DOK6: variants seen among roughly 807,000 people sequenced by gnomAD.
DOK6 encodes downstream of tyrosine kinase 6.
A neutral mutation model predicts 44.0 loss-of-function variants in DOK6; 22 were observed. The observed-to-expected ratio is 0.50, with a 90% confidence interval of 0.36 to 0.71. DOK6 has a LOEUF of 0.71. Among genes scored for constraint, DOK6 ranks in the 30% least tolerant of loss-of-function variants. DOK6 has a pLI of 0.00. For synonymous variants in DOK6, 166 were observed against 145.5 expected (o/e 1.14, Z -1.01); for missense variants, 340 against 416.4 (o/e 0.82, Z 1.60).
intron 1 of DOK6, among the ~76,000 whole-genome samples, chr18:69,491,553 G>A (rs117460514): frequency 0.012 from 1,888 of 152,248 alleles, 21 homozygotes; most frequent in Middle Eastern, 0.024. Context: ...ATGTTGTCTC[G>A]TCACATTTGT....
At chr18:69,779,931 TAACTC>T (rs1980208012) in intron 7 of DOK6, among the ~76,000 whole-genome samples, 1 of 152,070 alleles carries the variant, frequency 6.6e-6, no homozygotes, top group South Asian at 2.1e-4. Context: ...ATGAAAAAAA[TAACTC>T]AAATTCAATC....
intron 1 of DOK6, among the ~76,000 whole-genome samples, chr18:69,437,609 C>A (rs953012503): frequency 1.3e-5 from 2 of 152,154 alleles, no homozygotes; most frequent in Admixed American, 1.3e-4. Context: ...AGTGTGATGC[C>A]TCCAGCTTTG....
intron 1 of DOK6, among the ~76,000 whole-genome samples, chr18:69,474,677 T>C (rs1980212739): frequency 6.6e-6 from 1 of 152,234 alleles, no homozygotes; most frequent in African/African-American, 2.4e-5. Context: ...GCCAGTGCCT[T>C]CTTTGGCAAG....
intron 7 of DOK6, among the ~76,000 whole-genome samples, chr18:69,798,832 T>C (rs882113): frequency 0.12 from 18,981 of 151,892 alleles, 1,767 homozygotes; most frequent in African/African-American, 0.25. Context: ...CTTCATGATC[T>C]GTTCTTTAGC....
chr18:69,457,884 C>T (rs551920829), intron 1 of DOK6, among the ~76,000 whole-genome samples: 1 of 152,294 alleles, frequency 6.6e-6, no homozygotes, highest in Non-Finnish European at 1.5e-5. Context: ...TGGCTCACGC[C>T]TGTAATCTCA....
intron 1 of DOK6, among the ~76,000 whole-genome samples, chr18:69,524,187 T>A (rs17793051): frequency 0.16 from 24,745 of 151,952 alleles, 2,266 homozygotes; most frequent in Non-Finnish European, 0.2. Flanking sequence ...GCTCTGTCAC[T>A]GTTTTAGACA....
chr18:69,516,756 A>G (rs1266169477), intron 1 of DOK6, among the ~76,000 whole-genome samples: 1 of 151,550 alleles, frequency 6.6e-6, no homozygotes, highest in Non-Finnish European at 1.5e-5. Context: ...GCTCATTGCA[A>G]CCTCTGCCTC....
At chr18:69,507,183 G>T (rs572573367) in intron 1 of DOK6, among the ~76,000 whole-genome samples, 27 of 151,912 alleles carry the variant, frequency 1.8e-4, no homozygotes, top group Non-Finnish European at 3.5e-4. Context: ...GCGTGCCACC[G>T]TGGCTTGCTA....
chr18:69,592,152 A>G (rs1314441458), intron 2 of DOK6, among the ~76,000 whole-genome samples: 1 of 151,944 alleles, frequency 6.6e-6, no homozygotes, highest in African/African-American at 2.4e-5. Flanking sequence ...TATCTCTTAT[A>G]GAAATCACTA....
chr18:69,807,061 G>C (rs1013675664), intron 7 of DOK6, among the ~76,000 whole-genome samples: 1 of 151,828 alleles, frequency 6.6e-6, no homozygotes, highest in African/African-American at 2.4e-5. Context: ...AAATGTCAAA[G>C]CCTATAGAAA....
intron 3 of DOK6, among the ~76,000 whole-genome samples, chr18:69,621,365 A>C (rs959536387): frequency 1.3e-5 from 2 of 152,188 alleles, no homozygotes; most frequent in Non-Finnish European, 2.9e-5. Context: ...ATACCTTATT[A>C]TTTTAATTTC....
At chr18:69,568,767 T>G (rs1025098352) in intron 2 of DOK6, among the ~76,000 whole-genome samples, 1 of 152,048 alleles carries the variant, frequency 6.6e-6, no homozygotes, top group Non-Finnish European at 1.5e-5. Flanking sequence ...GTGGCAGCAT[T>G]ACATTCTCAT....
At chr18:69,475,597 G>A (rs1189937866) in intron 1 of DOK6, among the ~76,000 whole-genome samples, 4 of 152,120 alleles carry the variant, frequency 2.6e-5, no homozygotes, top group African/African-American at 7.2e-5. Flanking sequence ...ACCTTGAATT[G>A]TGTTCCTGGA....
chr18:69,547,917 T>TATATATA (rs1156260869), intron 1 of DOK6, among the ~76,000 whole-genome samples: 6 of 145,620 alleles, frequency 4.1e-5, no homozygotes, highest in African/African-American at 1.2e-4. Context: ...CCATTGTATC[T>TATATATA]ATATATAATA....
chr18:69,790,264 C>CG (rs1003030978), intron 7 of DOK6, among the ~76,000 whole-genome samples: 4 of 15,818 alleles, frequency 2.5e-4, no homozygotes, highest in South Asian at 2.8e-3. Flanking sequence ...TGGGGCCTGT[C>CG]GGGGGGTGGG....
intron 1 of DOK6, among the ~76,000 whole-genome samples, chr18:69,471,198 T>G (rs966700145): frequency 1.6e-5 from 2 of 128,070 alleles, no homozygotes; most frequent in Non-Finnish European, 3.1e-5. Context: ...TGCGGTGAGC[T>G]GAGATCGCGC....
intron 3 of DOK6, among the ~76,000 whole-genome samples, chr18:69,600,366 T>C (rs916326939): frequency 1.3e-5 from 2 of 152,218 alleles, no homozygotes; most frequent in Non-Finnish European, 2.9e-5. Context: ...TATCTTAGTA[T>C]GGCTAAACTG....
intron 4 of DOK6, among the ~76,000 whole-genome samples, chr18:69,685,660 C>T (rs1427793226): frequency 1.3e-5 from 2 of 152,284 alleles, no homozygotes; most frequent in East Asian, 3.9e-4. Flanking sequence ...CTCATATATA[C>T]ATTAAAGCTT....
intron 5 of DOK6, among the ~76,000 whole-genome samples, chr18:69,714,826 T>C (rs1986845736): frequency 6.6e-6 from 1 of 152,196 alleles, no homozygotes; most frequent in African/African-American, 2.4e-5. Flanking sequence ...TGTATTTATA[T>C]AAATTTAGGT....
Sources: allele counts gnomAD v4.1 joint callset (sites outside exome capture counted in the v4.1 genomes callset), GRCh38; gene constraint gnomAD v4.1.1; transcripts MANE v1.5; gene names NCBI Gene and HGNC (gene_info 2026-07-23, HGNC 2026-07-21).